Variants in NBAS observed in about 807,000 individuals in gnomAD.
NBAS encodes the protein NBAS subunit of NRZ tethering complex, also known as NAG/BC035112 fusion.
A neutral mutation model predicts 302.5 loss-of-function variants in NBAS; 219 were observed. The ratio of observed to expected loss-of-function variants is 0.72; its 90% CI spans 0.65 to 0.81. The LOEUF is 0.81. NBAS is among the 30% of genes least tolerant of loss of function. The pLI is 0.00. For missense variants in NBAS, 2,932 were observed against 2,841.6 expected (o/e 1.03, Z -0.72); for synonymous variants, 1,118 against 1,021.6 (o/e 1.09, Z -1.80).
the NBAS span, among the ~76,000 whole-genome samples, chr2:15,119,972 C>T: frequency 2.0e-5 from 3 of 152,178 alleles, no homozygotes; most frequent in Admixed American, 2.0e-4. Context: ...TCTGTGTCTC[C>T]CAAGCCCACT....
chr2:15,200,340 T>C (rs1665819198), intron 48 of NBAS, among the ~76,000 whole-genome samples: 1 of 152,210 alleles, frequency 6.6e-6, no homozygotes, highest in Non-Finnish European at 1.5e-5. Flanking sequence ...CATTTACTTG[T>C]GCAATAAATA....
chr2:15,238,585 T>C lies in NBAS; in HGVS notation c.5826A>G (p.Gln1942=), dbSNP rs1667713004. The C allele has an allele frequency of 1.2e-6, 2 of 1,614,048 alleles. No homozygotes were observed. Among genetic ancestry groups the C allele is most frequent in the South Asian group, 1.1e-5 (1 of 91,028 alleles). Residue 1942 remains glutamine (Q), a synonymous_variant, in exon 45 of 52, where the codon CAA becomes CAG. Transcript: ENST00000281513. ...PRKRNSEDEA[Q]EAKDSKVTYA... is the part of the protein sequence containing the mutation. Reference sequence around the variant, plus strand: ...AGGTAACTTTAGAATCCTTAGCTTCTTGAGCTTCGTCTTCTGAGTTTCTTT... The same window carrying C: ...AGGTAACTTTAGAATCCTTAGCTTCCTGAGCTTCGTCTTCTGAGTTTCTTT...
intron 30 of NBAS, among the ~76,000 whole-genome samples, chr2:15,378,704 G>C (rs190331851): frequency 3.4e-4 from 52 of 152,236 alleles, no homozygotes; most frequent in Non-Finnish European, 1.8e-4. Context: ...AACTGAAAGT[G>C]AAAAACACAA....
At chr2:15,018,595 C>G in the NBAS span, among the ~76,000 whole-genome samples, 1 of 152,116 alleles carries the variant, frequency 6.6e-6, no homozygotes, top group African/African-American at 2.4e-5. Context: ...GAAAAAAACT[C>G]TCTTTCTAAA....
chr2:15,113,530 C>G, the NBAS span, among the ~76,000 whole-genome samples: 2 of 152,022 alleles, frequency 1.3e-5, no homozygotes, highest in African/African-American at 4.8e-5. Context: ...GAATTTTTCT[C>G]TACCAGGTGA....
the NBAS span, among the ~76,000 whole-genome samples, chr2:15,103,807 A>G: frequency 5.3e-5 from 8 of 152,192 alleles, no homozygotes; most frequent in South Asian, 2.1e-4. Flanking sequence ...TGTCACTTCC[A>G]TGGTCTGTGT....
chr2:15,429,474 T>A (rs1384368004), intron 21 of NBAS, among the ~76,000 whole-genome samples: 1 of 152,172 alleles, frequency 6.6e-6, no homozygotes, highest in Non-Finnish European at 1.5e-5. Context: ...TCATAAACGT[T>A]TGAAAATTAT....
chr2:15,360,851 C>T (rs1210119287), intron 32 of NBAS, among the ~76,000 whole-genome samples: 1 of 152,062 alleles, frequency 6.6e-6, no homozygotes, highest in Non-Finnish European at 1.5e-5. Flanking sequence ...CTTCTGGAAT[C>T]CCTCCTGAAG....
At position 15,238,478 on chromosome 2, in the gene NBAS, T is replaced by C; in HGVS notation, c.5933A>G (p.Asn1978Ser). The C allele has an allele frequency of 6.2e-7, 1 of 1,614,138 alleles. No homozygotes were observed. The stretch of plus-strand genomic sequence containing the variant: ...TTCCCATTTCTTTACCTGCTCACTA[T>C]TCTTCAGAGAAAGGATGAAGCTGTG... ...LSHSFILSLK[N>S]SEQETLQKYS... The change falls in exon 45 of 52, where the codon AAT (asparagine) becomes AGT (serine). Residue 1978 changes from asparagine (N) to serine (S), a missense_variant. Physicochemically the swap from Asn to Ser is conservative, Grantham distance 46 (BLOSUM62 1). Transcript: ENST00000281513.
chr2:15,022,940 T>C, the NBAS span, among the ~76,000 whole-genome samples: 1 of 151,982 alleles, frequency 6.6e-6, no homozygotes, highest in African/African-American at 2.4e-5. Flanking sequence ...ATTTAGTTTT[T>C]TTTTATTTTT....
chr2:15,287,093 C>T lies in NBAS; in HGVS notation c.5118G>A (p.Glu1706=), dbSNP rs183222792. ...SRWEVFMTHL[E]FLFTDSGLST... is the part of the protein sequence containing the mutation. ...CTTACCCACTGTCCGTGAAGAGGAA[C>T]TCCAAATGGGTCATAAAAACTTCCC... is the stretch of plus-strand genomic sequence containing the variant. The change falls in exon 42 of 52, where the codon GAG becomes GAA. Residue 1706 remains glutamate, a synonymous_variant. Transcript: ENST00000281513. 264 of 1,613,132 alleles carry T rather than the reference C, an allele frequency of 1.6e-4. No homozygotes were observed. The East Asian group carries it at 2.8e-3, about 17-fold the overall frequency.
chr2:15,232,277 C>T (rs1177739189), intron 47 of NBAS, 145 bp downstream of exon 47: 3 of 724,994 alleles, frequency 4.1e-6, no homozygotes, highest in Non-Finnish European at 7.1e-6. Flanking sequence ...GCTAAGAATA[C>T]CATGTCTCCA....
chr2:14,787,395 T>C, the NBAS span, among the ~76,000 whole-genome samples: 2 of 152,210 alleles, frequency 1.3e-5, no homozygotes, highest in Admixed American at 1.3e-4. Context: ...GCTCGTTAGT[T>C]GATGCAGTTT....
chr2:15,058,571 A>G, the NBAS span, among the ~76,000 whole-genome samples: 3 of 152,236 alleles, frequency 2.0e-5, no homozygotes, highest in Non-Finnish European at 4.4e-5. Flanking sequence ...TCTCAAGCCC[A>G]GCGTGACAAT....
At chr2:15,065,264 G>A in the NBAS span, among the ~76,000 whole-genome samples, 1 of 151,952 alleles carries the variant, frequency 6.6e-6, no homozygotes, top group Non-Finnish European at 1.5e-5. Flanking sequence ...AAAAATAGAA[G>A]TCACATATGA....
At chr2:15,101,338 T>TAATACAAAGA in the NBAS span, among the ~76,000 whole-genome samples, 2 of 152,094 alleles carry the variant, frequency 1.3e-5, no homozygotes. Flanking sequence ...ATACAAACAA[T>TAATACAAAGA]TTAGGATATT....
At chr2:15,434,773 T>C (rs1046493645) in intron 21 of NBAS, among the ~76,000 whole-genome samples, 6 of 152,118 alleles carry the variant, frequency 3.9e-5, no homozygotes, top group Admixed American at 3.3e-4. Flanking sequence ...GAATATATAT[T>C]AAATGTGGTA....
intron 23 of NBAS, among the ~76,000 whole-genome samples, chr2:15,422,019 G>A (rs185211661): frequency 1.1e-3 from 162 of 152,206 alleles, no homozygotes; most frequent in Non-Finnish European, 1.9e-3. Flanking sequence ...TCTTAGTGCT[G>A]TACATCCCAA....
At chr2:15,437,017 T>C (rs567781938) in intron 21 of NBAS, among the ~76,000 whole-genome samples, 32 of 152,318 alleles carry the variant, frequency 2.1e-4, no homozygotes, top group African/African-American at 7.5e-4. Context: ...TGCTTTCCTG[T>C]GGCAAAAGAT....
Sources: gnomAD v4.1 joint callset for allele counts (sites outside exome capture counted in the v4.1 genomes callset) on GRCh38, gnomAD v4.1.1 for gene constraint, MANE v1.5 for transcripts, NCBI Gene and HGNC (gene_info 2026-07-23, HGNC 2026-07-21) for gene names.